Variants in RRH observed in about 807,000 individuals in gnomAD.
The protein encoded by RRH is visual pigment-like receptor peropsin.
RRH carries 36 observed loss-of-function variants against 33.1 expected under a neutral mutation model. That is an observed-to-expected ratio of 1.09 (90% confidence interval 0.83 to 1.44). The LOEUF (loss-of-function observed/expected upper bound fraction) is 1.44, where lower values mean the gene tolerates loss of function less well. Ranked by LOEUF, RRH falls within the 40% of genes most tolerant of loss-of-function variation. The pLI is 0.00. For synonymous variants in RRH, 124 were observed against 140.2 expected, an observed-to-expected ratio of 0.88 and a Z score of 0.82; for missense variants, 393 against 420.2, an observed-to-expected ratio of 0.94 and a Z score of 0.57.
intron 5 of RRH, among the ~76,000 whole-genome samples, chr4:109,839,399 T>C (rs941575787): frequency 2.0e-5 from 3 of 152,206 alleles, no homozygotes; most frequent in Admixed American, 6.5e-5. Context: ...AACCTTTCTG[T>C]AACATTTTTT....
chr4:109,833,805 G>T (rs966509247), intron 2 of RRH, among the ~76,000 whole-genome samples: 1 of 151,232 alleles, frequency 6.6e-6, no homozygotes, highest in Non-Finnish European at 1.5e-5. Context: ...ATATTAATTT[G>T]CCTTAAGACA....
chr4:109,835,628 A>T (rs1053048770), intron 3 of RRH, among the ~76,000 whole-genome samples, 163 bp downstream of exon 3: 7 of 152,210 alleles, frequency 4.6e-5, no homozygotes, highest in African/African-American at 1.7e-4. Flanking sequence ...TATTGTACTT[A>T]GAATAAAATC....
chr4:109,828,288 G>A (rs189213125), intron 1 of RRH, among the ~76,000 whole-genome samples, 155 bp downstream of exon 1: 9 of 151,906 alleles, frequency 5.9e-5, no homozygotes, highest in Admixed American at 5.9e-4. Context: ...AAATGAGGAT[G>A]ATGATACTCT....
Position 109,828,056 on chromosome 4 carries a change from C to T in RRH, c.29C>T (p.Ser10Leu), listed in dbSNP as rs771358077. ...CTAAGAAATAATTTAGGCAACAGTTCAGACTCTAAAAATGAAGATGGCTCG... is the reference window on the plus strand; with the variant it reads ...CTAAGAAATAATTTAGGCAACAGTTTAGACTCTAAAAATGAAGATGGCTCG... MLRNNLGNSSDSKNEDGSVF... is the reference protein window; with the variant it reads MLRNNLGNSLDSKNEDGSVF... Residue 10 changes from serine to leucine, a missense_variant, in exon 1 of 7, where the codon TCA becomes TTA. Physicochemically the swap from Ser to Leu is moderately radical, Grantham distance 145. Coordinates refer to ENST00000317735, the MANE Select transcript of RRH (RefSeq NM_006583.5). 2.5e-6 allele frequency: 4 copies of T among 1,612,028 alleles called. No homozygotes were observed. The South Asian group carries it at 4.4e-5, about 18-fold the overall frequency.
chr4:109,831,377 TTG>T (rs1733747349), intron 1 of RRH, among the ~76,000 whole-genome samples: 1 of 152,188 alleles, frequency 6.6e-6, no homozygotes, highest in African/African-American at 2.4e-5. Flanking sequence ...TGGGTTTTAG[TTG>T]TAGCCCACTT....
chr4:109,842,736 C>A (rs141848301), intron 6 of RRH, 89 bp downstream of exon 6: 9 of 1,163,528 alleles, frequency 7.7e-6, no homozygotes, highest in Non-Finnish European at 1.1e-5. Flanking sequence ...GACAGAAACC[C>A]ACTTCAATCT....
chr4:109,835,446 C>T lies in RRH; in HGVS notation c.378C>T (p.Thr126=). ...LTVVAVDRYL[T]ICLPDVGRRM... ...TCGTGGCTGTGGACCGATACCTGACCATCTGCCTTCCTGACGTAGGTACAA... is the reference window on the plus strand; with the variant it reads ...TCGTGGCTGTGGACCGATACCTGACTATCTGCCTTCCTGACGTAGGTACAA... The change falls in exon 3 of 7, where the codon ACC becomes ACT. Residue 126 remains threonine, a synonymous_variant. Transcript: ENST00000317735. The T allele has an allele frequency of 6.2e-7, 1 of 1,613,428 alleles. No individual in the cohort carries two copies. Among genetic ancestry groups the T allele is most frequent in the South Asian group, 1.1e-5 (1 of 91,054 alleles).
chr4:109,834,788 A>T (rs2125892954), intron 2 of RRH, among the ~76,000 whole-genome samples: 1 of 152,324 alleles, frequency 6.6e-6, no homozygotes, highest in Non-Finnish European at 1.5e-5. Context: ...CTTTATCAGA[A>T]GTAGCCAAAT....
intron 1 of RRH, among the ~76,000 whole-genome samples, chr4:109,828,419 G>T (rs976584916): frequency 3.3e-5 from 5 of 152,030 alleles, no homozygotes; most frequent in African/African-American, 1.2e-4. Flanking sequence ...AGTGAAGTGG[G>T]GCTGAGAAAA....
intron 6 of RRH, among the ~76,000 whole-genome samples, chr4:109,843,115 G>A (rs1286207747): frequency 1.3e-5 from 2 of 152,338 alleles, no homozygotes; most frequent in East Asian, 1.9e-4. Flanking sequence ...TCATTCAAAT[G>A]CAAGGGAAAA....
intron 1 of RRH, among the ~76,000 whole-genome samples, chr4:109,830,289 G>A (rs574515759): frequency 1.3e-5 from 2 of 152,164 alleles, no homozygotes; most frequent in African/African-American, 4.8e-5. Context: ...AGCCGTGTAA[G>A]TTTTAAAGGT....
intron 5 of RRH, among the ~76,000 whole-genome samples, chr4:109,841,823 A>C (rs1442860196): frequency 6.6e-6 from 1 of 152,040 alleles, no homozygotes; most frequent in African/African-American, 2.4e-5. Context: ...CCTCTGTTCC[A>C]TAATTTTAGC....
rs1169036851 is a variant in RRH, at chr4:109,844,121, C to A, written c.938C>A (p.Thr313Asn). Reference protein sequence around the residue: ...RAMLAMFKCQTHQTMPVTSIL... With the variant: ...RAMLAMFKCQNHQTMPVTSIL... ...ATGCTTGCCATGTTCAAATGTCAGA[C>A]TCACCAAACAATGCCTGTGACAAGT... The change falls in exon 7 of 7, where the codon ACT (threonine) becomes AAT (asparagine). Residue 313 changes from threonine (T) to asparagine (N), a missense_variant. Coordinates refer to ENST00000317735, the MANE Select transcript of RRH (RefSeq NM_006583.5). The A allele has an allele frequency of 6.2e-7, 1 of 1,613,922 alleles. No homozygotes were observed. The highest frequency in any genetic ancestry group is 8.5e-7 in the Non-Finnish European group (1 of 1,179,826).
chr4:109,844,460 T>C lies in RRH; in HGVS notation c.*263T>C, dbSNP rs553570257. On this transcript the variant is annotated 3_prime_UTR_variant, in exon 7 of 7. Transcript: ENST00000317735. ...TAAGGTCCCCTTTCTTTCTCCCTAT[T>C]ATGGCATGCATTACACTGTACTGAT... is the stretch of plus-strand genomic sequence containing the variant. 2.6e-6 allele frequency: 1 copy of C among 387,018 alleles called. No homozygotes were observed. The highest frequency in any genetic ancestry group is 2.2e-5 in the South Asian group (1 of 46,228). The allele number at this position is 387,018 out of a possible 1,614,324, so 24.0% of individuals were successfully genotyped here.
At chr4:109,830,144 C>T (rs1733718917) in intron 1 of RRH, among the ~76,000 whole-genome samples, 1 of 152,134 alleles carries the variant, frequency 6.6e-6, no homozygotes, top group Non-Finnish European at 1.5e-5. Context: ...TCCTTGAGCA[C>T]TCTCCCTTTC....
In RRH at chr4:109,842,549, C is replaced by A. The variant is rs770633465; in HGVS notation, c.801C>A (p.Asp267Glu). The change falls in exon 6 of 7, where the codon GAC (aspartate) becomes GAA (glutamate). Residue 267 changes from aspartate to glutamate, a missense_variant. Coordinates refer to ENST00000317735, the MANE Select transcript of RRH (RefSeq NM_006583.5). ...TGTGCTTATGGGCTTCTTTTGGTGA[C>A]CCAAAGAAGATTCCTCCCCCCATGG... ...SIVCLWASFG[D>E]PKKIPPPMAI... is the part of the protein sequence containing the mutation. 6.2e-7 allele frequency: 1 copy of A among 1,613,816 alleles called. No homozygotes were observed. Among genetic ancestry groups the A allele is most frequent in the Non-Finnish European group, 8.5e-7 (1 of 1,179,898 alleles).
Position 109,836,023 on chromosome 4 carries a change from C to T in RRH, c.414C>T (p.Thr138=), listed in dbSNP as rs760839609. The T allele has an allele frequency of 1.2e-6, 2 of 1,614,154 alleles. No homozygotes were observed. Among genetic ancestry groups the T allele is most frequent in the South Asian group, 1.1e-5 (1 of 91,066 alleles). ...TGATAATAGGGAGAAGAATGACCAC[C>T]AACACTTACATCGGCTTGATTCTGG... ...CLPDVGRRMT[T]NTYIGLILGA... The change falls in exon 4 of 7, where the codon ACC becomes ACT. Residue 138 remains threonine, a synonymous_variant. Transcript: ENST00000317735.
At chr4:109,834,111 C>A (rs1052050990) in intron 2 of RRH, among the ~76,000 whole-genome samples, 18 of 152,250 alleles carry the variant, frequency 1.2e-4, no homozygotes, top group African/African-American at 4.3e-4. Flanking sequence ...CTGAATACTT[C>A]AGGTTTTGTG....
At chr4:109,835,901 G>T (rs761361841) in intron 3 of RRH, 106 bp from the exon 4 acceptor site, 21 of 1,398,314 alleles carry the variant, frequency 1.5e-5, no homozygotes, top group Non-Finnish European at 2.1e-5. Flanking sequence ...GCCAATCAAA[G>T]TGCTCTGTAA....
Sources: allele counts gnomAD v4.1 joint callset (sites outside exome capture counted in the v4.1 genomes callset), GRCh38; gene constraint gnomAD v4.1.1; transcripts MANE v1.5; gene names NCBI Gene and HGNC (gene_info 2026-07-23, HGNC 2026-07-21).